Variants in ALOX5AP observed in about 807,000 individuals in gnomAD.
ALOX5AP encodes arachidonate 5-lipoxygenase activating protein.
ALOX5AP carries 9 observed loss-of-function variants against 18.5 expected under a neutral mutation model. The observed-to-expected ratio is 0.49, with a 90% CI of 0.29 to 0.85. The LOEUF (loss-of-function observed/expected upper bound fraction) is 0.85, where lower values mean the gene tolerates loss of function less well. ALOX5AP is among the 40% of genes least tolerant of loss of function. The probability of loss-of-function intolerance (pLI) is 0.08; values close to 1 mark genes in which losing one functional copy is unlikely to be tolerated. For missense variants in ALOX5AP, 172 were observed against 202.5 expected (o/e 0.85, Z 0.91); for synonymous variants, 81 against 78.6 (o/e 1.03, Z -0.16).
chr13:30,753,868 A>G (rs1355859052), intron 3 of ALOX5AP, among the ~76,000 whole-genome samples: 3 of 152,240 alleles, frequency 2.0e-5, no homozygotes, highest in African/African-American at 7.2e-5. Flanking sequence ...AAGTTGGAGC[A>G]GAATCATTCA....
chr13:30,741,537 C>T (rs561133390), intron 1 of ALOX5AP, among the ~76,000 whole-genome samples: 1 of 90,386 alleles, frequency 1.1e-5, no homozygotes, highest in Non-Finnish European at 2.3e-5. Flanking sequence ...GCTAGGATTA[C>T]AGGCCCCTCC....
intron 2 of ALOX5AP, among the ~76,000 whole-genome samples, chr13:30,747,267 C>G (rs1951816812): frequency 1.3e-5 from 2 of 152,202 alleles, no homozygotes; most frequent in African/African-American, 4.8e-5. Flanking sequence ...ACCTCGGCCT[C>G]CCAGGTTCAA....
At chr13:30,726,133 G>T (rs888617132) in intron 1 of ALOX5AP, among the ~76,000 whole-genome samples, 4 of 152,122 alleles carry the variant, frequency 2.6e-5, no homozygotes, top group African/African-American at 9.7e-5. Context: ...AGCTCCTGTG[G>T]GGGGAATGCT....
intron 1 of ALOX5AP, among the ~76,000 whole-genome samples, chr13:30,738,750 G>T (rs538641237): frequency 6.6e-6 from 1 of 152,192 alleles, no homozygotes; most frequent in African/African-American, 2.4e-5. Context: ...ATGTCCTCCC[G>T]CAGGAGGCTG....
intron 1 of ALOX5AP, among the ~76,000 whole-genome samples, chr13:30,717,011 G>A (rs577413264): frequency 6.6e-6 from 1 of 152,292 alleles, no homozygotes; most frequent in African/African-American, 2.4e-5. Context: ...GGTGTCCAGG[G>A]TCTTTACTGT....
At chr13:30,726,107 C>T (rs1046253032) in intron 1 of ALOX5AP, among the ~76,000 whole-genome samples, 1 of 152,172 alleles carries the variant, frequency 6.6e-6, no homozygotes, top group African/African-American at 2.4e-5. Context: ...TTGGGCTCTG[C>T]TATTGCAGAA....
chr13:30,720,761 C>T lies in ALOX5AP; in HGVS notation c.116+6920C>T, dbSNP rs537176979. On this transcript the variant is annotated intron_variant, in intron 1 of 5. Transcript: ENST00000617770. ...CTTAACTTTTGAATATTTGAATGCC[C>T]AGTCATTTAATCTGAATATCCTATT... Among the ~76,000 whole-genome samples the T allele has an allele frequency of 4.6e-5, 7 of 152,268 alleles. No homozygotes were observed. In the South Asian group the frequency reaches 8.3e-4, roughly 18 times the overall value.
chr13:30,715,028 C>T (rs1479765059), intron 1 of ALOX5AP, among the ~76,000 whole-genome samples: 1 of 152,190 alleles, frequency 6.6e-6, no homozygotes, highest in Non-Finnish European at 1.5e-5. Context: ...ACATAGGAGG[C>T]TTGTCCTCTC....
chr13:30,728,590 A>G (rs1951656418), intron 1 of ALOX5AP, among the ~76,000 whole-genome samples: 1 of 152,176 alleles, frequency 6.6e-6, no homozygotes, highest in Admixed American at 6.5e-5. Context: ...ACATATGGTA[A>G]GTGTATGTTT....
chr13:30,739,383 C>T (rs181517931), intron 1 of ALOX5AP, among the ~76,000 whole-genome samples: 3 of 152,280 alleles, frequency 2.0e-5, no homozygotes, highest in East Asian at 1.9e-4. Context: ...CAGGACACTG[C>T]CTGGCACAAA....
upstream of ALOX5AP, among the ~76,000 whole-genome samples, chr13:30,734,341 G>A (rs1012422311): frequency 2.6e-5 from 4 of 152,044 alleles, no homozygotes; most frequent in Non-Finnish European, 4.4e-5. Context: ...ACCTATGAGG[G>A]AGCAATATCT....
intron 1 of ALOX5AP, among the ~76,000 whole-genome samples, chr13:30,741,831 G>GTTTTTTTT (rs770976174): frequency 1.0e-4 from 14 of 133,922 alleles, no homozygotes; most frequent in East Asian, 4.3e-4. Context: ...ATGGTTTTCT[G>GTTTTTTTT]TTTTTTTTTT....
At chr13:30,761,396 T>G (rs1951940119) in intron 4 of ALOX5AP, among the ~76,000 whole-genome samples, 1 of 152,246 alleles carries the variant, frequency 6.6e-6, no homozygotes, top group Non-Finnish European at 1.5e-5. Context: ...CACTTTTTCT[T>G]GTTTCTGTAA....
intron 1 of ALOX5AP, among the ~76,000 whole-genome samples, chr13:30,725,468 A>C (rs1478467685): frequency 6.6e-6 from 1 of 152,258 alleles, no homozygotes; most frequent in East Asian, 1.9e-4. Flanking sequence ...ATGTATGGAC[A>C]CAGCAACATG....
intron 4 of ALOX5AP, among the ~76,000 whole-genome samples, chr13:30,759,736 C>A (rs1951925643): frequency 6.6e-6 from 1 of 152,168 alleles, no homozygotes; most frequent in Non-Finnish European, 1.5e-5. Context: ...GAGAAACATT[C>A]TTCTTTTGGA....
rs201237838 is a variant in ALOX5AP at position 30,752,157 on chromosome 13, A to G, written c.241+35A>G. ...ACTTCCCTTTGTTCATTCTCCTTCTATAAAGTGCATCTCAAGGAGGTTCAA... is the reference window on the plus strand; with the variant it reads ...ACTTCCCTTTGTTCATTCTCCTTCTGTAAAGTGCATCTCAAGGAGGTTCAA... On this transcript the variant is annotated intron_variant, in intron 3 of 4. Coordinates refer to ENST00000380490, the MANE Select transcript of ALOX5AP (RefSeq NM_001629.4). 100 of 1,600,808 alleles carry G rather than the reference A, an allele frequency of 6.2e-5. 1 individual carries two copies. The highest frequency in any genetic ancestry group is 5.2e-4 in the Admixed American group (31 of 59,956).
chr13:30,741,831 G>GTT (rs770976174), intron 1 of ALOX5AP, among the ~76,000 whole-genome samples: 7,242 of 133,848 alleles, frequency 0.054, 637 homozygotes, highest in African/African-American at 0.18. Flanking sequence ...ATGGTTTTCT[G>GTT]TTTTTTTTTT....
intron 2 of ALOX5AP, among the ~76,000 whole-genome samples, chr13:30,750,079 C>A (rs1951839678): frequency 6.6e-6 from 1 of 152,126 alleles, no homozygotes; most frequent in Non-Finnish European, 1.5e-5. Flanking sequence ...TTCTGGGCCC[C>A]AACACAGAGT....
intron 2 of ALOX5AP, 82 bp from the exon 3 acceptor site, chr13:30,751,970 C>A: frequency 2.3e-6 from 3 of 1,318,170 alleles, no homozygotes; most frequent in Non-Finnish European, 3.3e-6. Context: ...TGATTATTAA[C>A]TTCAACTTTC....
Sources: gnomAD v4.1 joint callset for allele counts (sites outside exome capture counted in the v4.1 genomes callset) on GRCh38, gnomAD v4.1.1 for gene constraint, MANE v1.5 for transcripts, NCBI Gene and HGNC (gene_info 2026-07-23, HGNC 2026-07-21) for gene names.